ANO3: variants seen among roughly 807,000 people sequenced by gnomAD.
ANO3 encodes the protein anoctamin 3.
In ANO3, 99 loss-of-function variants were observed where a neutral mutation model predicts 144.8. That is an observed-to-expected ratio of 0.68 (90% confidence interval 0.58 to 0.81). The LOEUF is 0.81. Ranked by LOEUF, ANO3 falls within the 30% of genes least tolerant of loss-of-function variation. The probability of loss-of-function intolerance (pLI) is 0.00; values close to 1 mark genes in which losing one functional copy is unlikely to be tolerated. For synonymous variants in ANO3, 414 were observed against 392.6 expected (o/e 1.05, Z -0.64); for missense variants, 905 against 1,202.2 (o/e 0.75, Z 3.66).
At chr11:26,343,302 A>G (rs970260425) in intron 1 of ANO3, among the ~76,000 whole-genome samples, 1 of 152,206 alleles carries the variant, frequency 6.6e-6, no homozygotes, top group Non-Finnish European at 1.5e-5. Flanking sequence ...TCTTTCAGTG[A>G]ACATACATGT....
At chr11:26,224,174 T>C (rs1241617441) in intron 1 of ANO3, among the ~76,000 whole-genome samples, 1 of 151,666 alleles carries the variant, frequency 6.6e-6, no homozygotes, top group African/African-American at 2.4e-5. Flanking sequence ...CTCCTCTCGG[T>C]AACCAAGGAT....
intron 4 of ANO3, among the ~76,000 whole-genome samples, chr11:26,483,406 T>C (rs1415868426): frequency 1.3e-5 from 2 of 152,164 alleles, no homozygotes; most frequent in Admixed American, 6.5e-5. Flanking sequence ...TAGGATGTGA[T>C]TGGATCATGG....
intron 1 of ANO3, among the ~76,000 whole-genome samples, chr11:26,364,925 T>G (rs1856024561): frequency 6.6e-6 from 1 of 152,202 alleles, no homozygotes; most frequent in Non-Finnish European, 1.5e-5. Context: ...CCCAAAGTCT[T>G]AATTTATTCC....
chr11:26,337,259 T>G (rs1397289329), intron 1 of ANO3, among the ~76,000 whole-genome samples: 6 of 152,210 alleles, frequency 3.9e-5, no homozygotes, highest in Admixed American at 3.9e-4. Flanking sequence ...GTAAGAACAT[T>G]GCTGTTTAAA....
chr11:26,509,679 T>A (rs1861580507), intron 5 of ANO3, among the ~76,000 whole-genome samples: 1 of 152,176 alleles, frequency 6.6e-6, no homozygotes, highest in Non-Finnish European at 1.5e-5. Context: ...AAAAAACTGT[T>A]TTTGATGAAA....
intron 20 of ANO3, among the ~76,000 whole-genome samples, chr11:26,638,197 C>A (rs915295031): frequency 6.6e-6 from 1 of 152,050 alleles, no homozygotes; most frequent in African/African-American, 2.4e-5. Flanking sequence ...GACTTAGTGG[C>A]TCCCTTCTAA....
upstream of ANO3, among the ~76,000 whole-genome samples, chr11:26,328,062 A>T (rs539256720): frequency 7.9e-5 from 12 of 152,236 alleles, no homozygotes; most frequent in East Asian, 1.9e-4. Context: ...TAATTTTTTT[A>T]AAATTCTGTT....
upstream of ANO3, among the ~76,000 whole-genome samples, chr11:26,306,120 G>A (rs932946469): frequency 7.8e-6 from 1 of 128,064 alleles, no homozygotes; most frequent in East Asian, 2.4e-4. Flanking sequence ...CACCAAGCCC[G>A]GATAATTTTT....
At chr11:26,395,477 T>G (rs1260473947) in intron 1 of ANO3, among the ~76,000 whole-genome samples, 1 of 152,150 alleles carries the variant, frequency 6.6e-6, no homozygotes, top group Non-Finnish European at 1.5e-5. Context: ...TAGTTCTCCT[T>G]GAAGAGGTCC....
At chr11:26,297,824 T>C (rs1234693099) in intron 1 of ANO3, among the ~76,000 whole-genome samples, 1 of 152,216 alleles carries the variant, frequency 6.6e-6, no homozygotes, top group East Asian at 1.9e-4. Context: ...TTCATGCCGT[T>C]GTTTATATCA....
At chr11:26,442,474 T>C (rs1858554620) in intron 2 of ANO3, among the ~76,000 whole-genome samples, 4 of 152,202 alleles carry the variant, frequency 2.6e-5, no homozygotes. Flanking sequence ...ATAAACTGTT[T>C]TCTAAAAATA....
chr11:26,281,940 T>C (rs552719908), intron 1 of ANO3, among the ~76,000 whole-genome samples: 1 of 152,262 alleles, frequency 6.6e-6, no homozygotes, highest in East Asian at 1.9e-4. Flanking sequence ...TATACAACCA[T>C]GTGGATTAGT....
intron 1 of ANO3, among the ~76,000 whole-genome samples, chr11:26,261,796 G>T (rs1332925192): frequency 1.3e-5 from 2 of 152,216 alleles, no homozygotes; most frequent in African/African-American, 2.4e-5. Context: ...CTTTGTAAAA[G>T]GAGGTGAAAG....
intron 1 of ANO3, among the ~76,000 whole-genome samples, chr11:26,300,476 C>G (rs1854201689): frequency 6.6e-6 from 1 of 152,096 alleles, no homozygotes; most frequent in South Asian, 2.1e-4. Flanking sequence ...GTTAGTGAGG[C>G]TGGAGAAGAA....
At chr11:26,332,016 G>A, upstream of ANO3, 2 of 1,072,190 alleles carry the variant, frequency 1.9e-6, no homozygotes, top group Non-Finnish European at 2.6e-6. Context: ...CCTCACTGTG[G>A]CACTGGACGC....
intron 18 of ANO3, among the ~76,000 whole-genome samples, chr11:26,624,898 A>G (rs992770098): frequency 6.6e-6 from 1 of 151,832 alleles, no homozygotes; most frequent in Non-Finnish European, 1.5e-5. Flanking sequence ...CCTATTTTCT[A>G]TACCAAAGGA....
At chr11:26,575,457 AAT>A (rs1419027580) in intron 14 of ANO3, among the ~76,000 whole-genome samples, 1 of 152,060 alleles carries the variant, frequency 6.6e-6, no homozygotes, top group Non-Finnish European at 1.5e-5. Flanking sequence ...ATTGGATGGA[AAT>A]AGATTTAAAG....
chr11:26,434,030 G>GT (rs1858208297), intron 1 of ANO3, among the ~76,000 whole-genome samples: 1 of 152,030 alleles, frequency 6.6e-6, no homozygotes, highest in African/African-American at 2.4e-5. Flanking sequence ...TGATTCTGGG[G>GT]TTTTTTTGGT....
chr11:26,236,514 A>G (rs1449746404), intron 1 of ANO3, among the ~76,000 whole-genome samples: 3 of 152,166 alleles, frequency 2.0e-5, no homozygotes, highest in Non-Finnish European at 4.4e-5. Context: ...GGTATGAAAT[A>G]TTAACTCAAG....
Sources: allele counts gnomAD v4.1 joint callset (sites outside exome capture counted in the v4.1 genomes callset), GRCh38; gene constraint gnomAD v4.1.1; transcripts MANE v1.5; gene names NCBI Gene and HGNC (gene_info 2026-07-23, HGNC 2026-07-21).